The following VPS35L variants were observed in gnomAD, a reference collection of about 807,000 sequenced individuals.
VPS35L encodes the protein VPS35 endosomal protein-sorting factor-like.
A neutral mutation model predicts 133.0 loss-of-function variants in VPS35L; 83 were observed. The observed-to-expected ratio is 0.62, with a 90% CI of 0.52 to 0.75. The LOEUF (loss-of-function observed/expected upper bound fraction) is 0.75, where lower values mean the gene tolerates loss of function less well. Ranked by LOEUF, VPS35L falls within the 30% of genes least tolerant of loss-of-function variation. The pLI, the probability that VPS35L is intolerant of heterozygous loss-of-function variation, is 0.00. For missense variants in VPS35L, 1,083 were observed against 1,206.8 expected, an observed-to-expected ratio of 0.90 and a Z score of 1.52; for synonymous variants, 423 against 449.9, an observed-to-expected ratio of 0.94 and a Z score of 0.76.
chr16:19,588,181 A>G (rs1257788134), intron 7 of VPS35L, among the ~76,000 whole-genome samples: 3 of 149,216 alleles, frequency 2.0e-5, no homozygotes, highest in Non-Finnish European at 3.0e-5. Flanking sequence ...GTATGTATGT[A>G]TGTATGTATT....
chr16:19,695,939 T>C (rs898315920), intron 29 of VPS35L, among the ~76,000 whole-genome samples: 1 of 151,738 alleles, frequency 6.6e-6, no homozygotes, highest in African/African-American at 2.4e-5. Context: ...CAGACTGGAG[T>C]GTAGTGGCAC....
At chr16:19,570,545 C>T (rs1971328593) in intron 3 of VPS35L, among the ~76,000 whole-genome samples, 1 of 151,948 alleles carries the variant, frequency 6.6e-6, no homozygotes, top group South Asian at 2.1e-4. Flanking sequence ...TGTCTTCTTC[C>T]ATAGCTTTTC....
At chr16:19,650,510 T>G in intron 25 of VPS35L, 51 bp downstream of exon 25, 1 of 1,388,842 alleles carries the variant, frequency 7.2e-7, no homozygotes, top group Non-Finnish European at 1.0e-6. Context: ...GTGGGCTGTT[T>G]AGTTTGCAGG....
chr16:19,585,356 A>G lies in VPS35L; in HGVS notation c.639+3703A>G, dbSNP rs554002562. On this transcript the variant is annotated intron_variant, in intron 7 of 30. Coordinates refer to ENST00000417362, the MANE Select transcript of VPS35L (RefSeq NM_020314.7). ...TACCTGAGGGTTCTAATTCCTCCACATCTTCTCTGACACTCGGTATTGTCC... is the reference window on the plus strand; with the variant it reads ...TACCTGAGGGTTCTAATTCCTCCACGTCTTCTCTGACACTCGGTATTGTCC... Among the ~76,000 whole-genome samples the G allele has an allele frequency of 3.6e-4, 54 of 151,552 alleles. 1 individual carries two copies. The highest frequency in any genetic ancestry group is 7.2e-4 in the Non-Finnish European group (49 of 67,898).
intron 9 of VPS35L, among the ~76,000 whole-genome samples, chr16:19,602,625 T>C (rs1448741877): frequency 6.6e-6 from 1 of 152,042 alleles, no homozygotes; most frequent in Non-Finnish European, 1.5e-5. Context: ...TTTTTTGAGA[T>C]GGACTCTTGC....
chr16:19,574,094 G>C (rs1194811368), intron 4 of VPS35L, among the ~76,000 whole-genome samples: 1 of 152,158 alleles, frequency 6.6e-6, no homozygotes, highest in East Asian at 1.9e-4. Context: ...TGTGAGTTAG[G>C]ACTGGGTTCA....
At chr16:19,560,627 C>T (rs1013881082) in intron 1 of VPS35L, among the ~76,000 whole-genome samples, 1 of 152,046 alleles carries the variant, frequency 6.6e-6, no homozygotes, top group South Asian at 2.1e-4. Flanking sequence ...GAAAGCCCGT[C>T]TCTACTAAAA....
intron 1 of VPS35L, 112 bp downstream of exon 1, chr16:19,555,858 G>C (rs1970835620): frequency 1.4e-6 from 2 of 1,425,746 alleles, no homozygotes; most frequent in East Asian, 2.4e-5. Flanking sequence ...GTGGTCGACC[G>C]GCCACCCCCA....
intron 26 of VPS35L, among the ~76,000 whole-genome samples, chr16:19,661,875 T>C (rs535263262): frequency 3.9e-5 from 6 of 152,272 alleles, no homozygotes; most frequent in African/African-American, 1.4e-4. Flanking sequence ...CTACTCTGGT[T>C]AAATAGGGAG....
At chr16:19,595,730 T>G (rs964284392) in intron 8 of VPS35L, among the ~76,000 whole-genome samples, 1 of 152,332 alleles carries the variant, frequency 6.6e-6, no homozygotes, top group East Asian at 1.9e-4. Context: ...CTCCCCGGGC[T>G]GTAGTGCAGA....
At chr16:19,571,606 G>A (rs565819081) in intron 3 of VPS35L, among the ~76,000 whole-genome samples, 30 of 151,824 alleles carry the variant, frequency 2.0e-4, no homozygotes, top group Non-Finnish European at 1.8e-4. Context: ...GTGCAGTGGC[G>A]CGATCTTGGC....
chr16:19,610,698 T>G (rs1351891451), intron 12 of VPS35L, among the ~76,000 whole-genome samples: 1 of 152,228 alleles, frequency 6.6e-6, no homozygotes, highest in Non-Finnish European at 1.5e-5. Flanking sequence ...TCTCAGTTCT[T>G]GCTGGGAAGG....
At chr16:19,621,516 T>G (rs752854952) in intron 14 of VPS35L, among the ~76,000 whole-genome samples, 13 of 152,246 alleles carry the variant, frequency 8.5e-5, no homozygotes, top group Non-Finnish European at 1.8e-4. Flanking sequence ...GCCTGCCTTG[T>G]GAATCTTCTG....
chr16:19,686,635 G>C (rs780734872), intron 28 of VPS35L, among the ~76,000 whole-genome samples: 1 of 152,146 alleles, frequency 6.6e-6, no homozygotes, highest in Non-Finnish European at 1.5e-5. Flanking sequence ...ATTTGCAGGG[G>C]ACATCATTTC....
Position 19,588,183 on chromosome 16 carries a change from G to GTATTTATT in VPS35L, c.640-3604_640-3603insTTATTTAT, listed in dbSNP as rs1461603320. Among the ~76,000 whole-genome samples, 42 of 140,514 alleles carry GTATTTATT rather than the reference G, an allele frequency of 3.0e-4. 1 individual carries two copies. The highest frequency in any genetic ancestry group is 4.6e-4 in the Non-Finnish European group (29 of 63,736). The allele number at this position is 140,514 out of a possible 152,430, so 92.2% of individuals were successfully genotyped here. The stretch of plus-strand genomic sequence containing the variant: ...AGTATGTATGTATGTATGTATGTAT[G>GTATTTATT]TATGTATTTATTTATTGAGACAGAG... On this transcript the variant is annotated intron_variant, in intron 7 of 30. Transcript: ENST00000417362.
chr16:19,659,531 TGTATAAG>T (rs1345020261), intron 26 of VPS35L, among the ~76,000 whole-genome samples: 1 of 152,232 alleles, frequency 6.6e-6, no homozygotes, highest in Non-Finnish European at 1.5e-5. Flanking sequence ...TAAGCATTAA[TGTATAAG>T]GTATTTAATT....
intron 26 of VPS35L, among the ~76,000 whole-genome samples, chr16:19,653,902 A>G (rs1340633212): frequency 6.6e-6 from 1 of 152,082 alleles, no homozygotes; most frequent in Non-Finnish European, 1.5e-5. Context: ...TTTTGCTTCT[A>G]ACTCATGGGG....
rs112780168 is a variant in VPS35L at position 19,669,445 on chromosome 16, G to GA, written c.2361+148dup. 6,487 of 1,023,044 alleles carry GA rather than the reference G, an allele frequency of 6.3e-3. 274 individuals carry two copies. The African/African-American group carries it at 0.089, about 14-fold the overall frequency. 63.4% of individuals were successfully genotyped at this position (1,023,044 alleles called of 1,614,324 possible). On this transcript the variant is annotated intron_variant, in intron 27 of 30. Coordinates refer to ENST00000417362, the MANE Select transcript of VPS35L (RefSeq NM_020314.7). ...CAGTTAGGTATTTGAATTGCTTAAT[G>GA]AATTTTCTATTCTTGCTGGGTGGGG... is the stretch of plus-strand genomic sequence containing the variant.
At chr16:19,622,793 A>G (rs1428489769) in intron 14 of VPS35L, among the ~76,000 whole-genome samples, 1 of 152,160 alleles carries the variant, frequency 6.6e-6, no homozygotes, top group Non-Finnish European at 1.5e-5. Context: ...GTAAATACCC[A>G]AGAGTGGGTT....
Sources: gnomAD v4.1 joint callset for allele counts (sites outside exome capture counted in the v4.1 genomes callset) on GRCh38, gnomAD v4.1.1 for gene constraint, MANE v1.5 for transcripts, NCBI Gene and HGNC (gene_info 2026-07-23, HGNC 2026-07-21) for gene names.